Variants in SGMS1 observed in about 807,000 individuals in gnomAD.
The protein encoded by SGMS1 is sphingomyelin synthase 1, also known as phosphatidylcholine:ceramide cholinephosphotransferase 1.
Under a neutral mutation model 46.2 loss-of-function variants are expected in SGMS1, and 13 were observed. The ratio of observed to expected loss-of-function variants is 0.28; its 90% confidence interval spans 0.18 to 0.45. The LOEUF (loss-of-function observed/expected upper bound fraction) is 0.45, where lower values mean the gene tolerates loss of function less well. Ranked by LOEUF, SGMS1 falls within the 20% of genes least tolerant of loss-of-function variation. The probability of loss-of-function intolerance (pLI) is 1.00; values close to 1 mark genes in which losing one functional copy is unlikely to be tolerated. For missense variants in SGMS1, 324 were observed against 519.9 expected (o/e 0.62, Z 3.66); for synonymous variants, 203 against 187.8 (o/e 1.08, Z -0.66).
intron 7 of SGMS1, among the ~76,000 whole-genome samples, chr10:50,331,963 A>G (rs1273842380): frequency 1.3e-5 from 2 of 152,158 alleles, no homozygotes; most frequent in Non-Finnish European, 2.9e-5. Flanking sequence ...CCAGTCTACG[A>G]TATTTTGTTA....
chr10:50,405,241 A>C (rs1848996741), intron 6 of SGMS1, among the ~76,000 whole-genome samples: 3 of 152,208 alleles, frequency 2.0e-5, no homozygotes, highest in Non-Finnish European at 4.4e-5. Flanking sequence ...AAAAAATAAA[A>C]CCAGAAAATT....
At chr10:50,412,047 T>C (rs115633594) in intron 6 of SGMS1, among the ~76,000 whole-genome samples, 101 of 152,242 alleles carry the variant, frequency 6.6e-4, no homozygotes, top group African/African-American at 2.1e-3. Context: ...GTGCTCCCCT[T>C]GGGCAGCCAC....
intron 6 of SGMS1, among the ~76,000 whole-genome samples, chr10:50,378,924 G>A (rs1368928887): frequency 2.6e-5 from 4 of 152,058 alleles, no homozygotes; most frequent in African/African-American, 7.2e-5. Flanking sequence ...AACCCATATC[G>A]TATTGAACAT....
At chr10:50,477,529 G>C (rs59322641) in intron 3 of SGMS1, among the ~76,000 whole-genome samples, 2 of 152,100 alleles carry the variant, frequency 1.3e-5, no homozygotes, top group African/African-American at 4.8e-5. Context: ...GGGCATGATC[G>C]TGTTTTGAAA....
At chr10:50,541,636 A>G (rs1806797936) in intron 2 of SGMS1, among the ~76,000 whole-genome samples, 1 of 152,140 alleles carries the variant, frequency 6.6e-6, no homozygotes, top group Admixed American at 6.5e-5. Flanking sequence ...CTTGGAGACA[A>G]GACCAGGGAT....
rs556251055 is a variant in SGMS1 at position 50,596,441 on chromosome 10, G to T, written c.-683-6194C>A. 8.5e-4 allele frequency among the ~76,000 whole-genome samples: 130 copies of T among 152,336 alleles called. 1 individual carries two copies. Among genetic ancestry groups the T allele is most frequent in the African/African-American group, 3.0e-3 (124 of 41,578 alleles). On this transcript the variant is annotated intron_variant, in intron 1 of 10. Transcript: ENST00000361781. ...GATCTGCCCACCTCGGCCTCCCAAA[G>T]TGCTGGGCTTACAGGCGTGAGCCAC...
intron 2 of SGMS1, among the ~76,000 whole-genome samples, chr10:50,586,857 T>A (rs971999196): frequency 2.0e-5 from 3 of 152,258 alleles, no homozygotes; most frequent in African/African-American, 7.2e-5. Context: ...TCTCATTTCC[T>A]CTGGAGGGTG....
intron 2 of SGMS1, among the ~76,000 whole-genome samples, chr10:50,579,897 A>G (rs1018816570): frequency 3.3e-5 from 5 of 152,252 alleles, no homozygotes; most frequent in Admixed American, 2.6e-4. Context: ...GAGAGCAAGT[A>G]GTCTGGACTG....
chr10:50,560,812 T>G (rs1838230421), intron 2 of SGMS1, among the ~76,000 whole-genome samples: 1 of 152,034 alleles, frequency 6.6e-6, no homozygotes, highest in South Asian at 2.1e-4. Context: ...GCCATACAAT[T>G]GCCAGGTGTT....
chr10:50,475,769 C>T (rs1837416540), intron 3 of SGMS1, among the ~76,000 whole-genome samples: 1 of 152,080 alleles, frequency 6.6e-6, no homozygotes, highest in South Asian at 2.1e-4. Flanking sequence ...CCCAACCATT[C>T]TCCTGTCAAC....
intron 3 of SGMS1, among the ~76,000 whole-genome samples, chr10:50,511,170 T>G (rs1218975674): frequency 6.6e-6 from 1 of 151,642 alleles, no homozygotes; most frequent in South Asian, 2.1e-4. Flanking sequence ...GCAGAGTGGA[T>G]AAAATAGCAA....
At position 50,407,724 on chromosome 10, in the gene SGMS1, A is replaced by G. The variant is rs1485828599; in HGVS notation, c.-232+25752T>C. ...CACATGCTAAAGATTCACTGTGTCT[A>G]CTCTTGAAAGCCATCATGTACTTCT... On this transcript the variant is annotated intron_variant, in intron 6 of 10. Coordinates refer to ENST00000361781, the MANE Select transcript of SGMS1 (RefSeq NM_147156.4). Among the ~76,000 whole-genome samples, 9 of 151,096 alleles carry G rather than the reference A, an allele frequency of 6.0e-5. No homozygotes were observed. The East Asian group carries it at 1.5e-3, about 26-fold the overall frequency.
intron 1 of SGMS1, among the ~76,000 whole-genome samples, chr10:50,609,878 T>C (rs184479208): frequency 1.8e-4 from 27 of 152,236 alleles, no homozygotes; most frequent in African/African-American, 5.8e-4. Context: ...GGTAAGCTAC[T>C]ATGGACTTCT....
intron 1 of SGMS1, among the ~76,000 whole-genome samples, chr10:50,596,547 T>A (rs1218384932): frequency 6.6e-6 from 1 of 152,240 alleles, no homozygotes; most frequent in Non-Finnish European, 1.5e-5. Context: ...CCTTGCTAAC[T>A]AGATCAACCC....
intron 5 of SGMS1, among the ~76,000 whole-genome samples, chr10:50,443,120 C>T (rs1849565996): frequency 6.6e-6 from 1 of 152,176 alleles, no homozygotes; most frequent in South Asian, 2.1e-4. Context: ...GTCAGTCAAT[C>T]AGCTCTCTCA....
At chr10:50,422,937 A>G (rs986006359) in intron 6 of SGMS1, among the ~76,000 whole-genome samples, 3 of 152,184 alleles carry the variant, frequency 2.0e-5, no homozygotes, top group Non-Finnish European at 4.4e-5. Flanking sequence ...ACAGATGGGG[A>G]AAAAAACACT....
At chr10:50,532,492 T>G (rs1837964088) in intron 2 of SGMS1, among the ~76,000 whole-genome samples, 1 of 152,154 alleles carries the variant, frequency 6.6e-6, no homozygotes, top group African/African-American at 2.4e-5. Context: ...TTTGGTGGTG[T>G]TTTTGTCATC....
intron 2 of SGMS1, among the ~76,000 whole-genome samples, chr10:50,585,305 C>A (rs1410306039): frequency 6.6e-6 from 1 of 152,162 alleles, no homozygotes; most frequent in Non-Finnish European, 1.5e-5. Context: ...AAAACTCATC[C>A]CTTCTCCAGA....
chr10:50,399,901 C>A lies in SGMS1; in HGVS notation c.-232+33575G>T, dbSNP rs535059136. 2.6e-5 allele frequency among the ~76,000 whole-genome samples: 4 copies of A among 151,872 alleles called. No homozygotes were observed. In the East Asian group the frequency reaches 5.8e-4, roughly 22 times the overall value. ...AAAATTAGCCAGGCATGGTGGTGGG[C>A]GCCTGTAGTCCCAGCCACTCGGGAG... On this transcript the variant is annotated intron_variant, in intron 6 of 10. Transcript: ENST00000361781.
Sources: allele counts gnomAD v4.1 joint callset (sites outside exome capture counted in the v4.1 genomes callset), GRCh38; gene constraint gnomAD v4.1.1; transcripts MANE v1.5; gene names NCBI Gene and HGNC (gene_info 2026-07-23, HGNC 2026-07-21).